SRP72: variants seen among roughly 807,000 people sequenced by gnomAD.
The protein encoded by SRP72 is signal recognition particle subunit SRP72.
SRP72 carries 49 observed loss-of-function variants against 96.3 expected under a neutral mutation model. That is an observed-to-expected ratio of 0.51 (90% CI 0.40 to 0.65). The LOEUF (loss-of-function observed/expected upper bound fraction) is 0.65. SRP72 is among the 30% of genes least tolerant of loss of function. The probability of loss-of-function intolerance (pLI) is 0.00; values close to 1 mark genes in which losing one functional copy is unlikely to be tolerated. For synonymous variants in SRP72, 267 were observed against 275.2 expected (o/e 0.97, Z 0.30); for missense variants, 736 against 793.3 (o/e 0.93, Z 0.87).
Position 56,502,075 on chromosome 4 carries a change from A to G in SRP72, c.*214A>G. ...TCATAGCTTTGTACAGATTATGAGG[A>G]CTGAAAATAATTGGGCATTTACCCA... On this transcript the variant is annotated 3_prime_UTR_variant, in exon 19 of 19. Transcript: ENST00000642900. 1.9e-6 allele frequency: 1 copy of G among 533,628 alleles called. No individual in the cohort carries two copies. 33.1% of individuals were successfully genotyped at this position (533,628 alleles called of 1,614,324 possible). A position where few individuals can be genotyped will look rare whatever the true frequency, so the allele number is the denominator to read the frequency against.
chr4:56,481,720 CAT>C (rs890275109), intron 8 of SRP72, among the ~76,000 whole-genome samples: 3 of 150,204 alleles, frequency 2.0e-5, no homozygotes, highest in African/African-American at 7.3e-5. Context: ...AAGTTTTTCA[CAT>C]ATTGAAGGTT....
chr4:56,498,183 C>A (rs1721143144), intron 17 of SRP72, among the ~76,000 whole-genome samples: 1 of 151,628 alleles, frequency 6.6e-6, no homozygotes, highest in South Asian at 2.1e-4. Flanking sequence ...TTTTGTCATG[C>A]TGAGAAATGA....
chr4:56,485,029 T>A lies in SRP72; in HGVS notation c.1086+165T>A, dbSNP rs112862779. On this transcript the variant is annotated intron_variant, in intron 10 of 18. Transcript: ENST00000642900. Reference sequence around the variant, plus strand: ...TAGTTAACTCTTGGGTTACAGAGCTTTATATAAATTTCTTTGTGTTATATA... The same window carrying A: ...TAGTTAACTCTTGGGTTACAGAGCTATATATAAATTTCTTTGTGTTATATA... 1.8e-3 allele frequency among the ~76,000 whole-genome samples: 274 copies of A among 152,350 alleles called. 10 individuals carry two copies. In the South Asian group the frequency reaches 0.038, roughly 21 times the overall value.
rs1721046230 is a variant in SRP72 at position 56,495,479 on chromosome 4, A to G, written c.1678+85A>G. The G allele has an allele frequency of 7.4e-6, 6 of 815,360 alleles. No homozygotes were observed. The South Asian group carries it at 1.1e-4, about 15-fold the overall frequency. 50.5% of individuals were successfully genotyped at this position (815,360 alleles called of 1,614,324 possible). On this transcript the variant is annotated intron_variant, in intron 17 of 18. Coordinates refer to ENST00000642900, the MANE Select transcript of SRP72 (RefSeq NM_006947.4). ...TATATAGAAATATTTGGACATAAATATACTGCCCTCCCTTGTATCTTTGAA... is the reference window on the plus strand; with the variant it reads ...TATATAGAAATATTTGGACATAAATGTACTGCCCTCCCTTGTATCTTTGAA...
chr4:56,501,854 G>A lies in SRP72; in HGVS notation c.2009G>A (p.Gly670Asp). The change falls in exon 19 of 19, where the codon GGC becomes GAC. Residue 670 changes from glycine to aspartate, a missense_variant. This residue lies in a region of SRP72 where 388 missense variants were observed against 431.8 expected (regional missense o/e 0.90). Transcript: ENST00000642900. ...AAAAAGAAGAAAGGTGGAAAAGGTGGCTGGTGATGAGAATATTCTTGTTGC... is the reference window on the plus strand; with the variant it reads ...AAAAAGAAGAAAGGTGGAAAAGGTGACTGGTGATGAGAATATTCTTGTTGC... Reference protein sequence around the residue: ...QQKKKKGGKGGW With the variant: ...QQKKKKGGKGDW The A allele has an allele frequency of 6.2e-7, 1 of 1,614,070 alleles. No individual in the cohort carries two copies. The highest frequency in any genetic ancestry group is 8.5e-7 in the Non-Finnish European group (1 of 1,179,990).
At chr4:56,485,749 C>G (rs551435697) in intron 10 of SRP72, among the ~76,000 whole-genome samples, 1 of 151,906 alleles carries the variant, frequency 6.6e-6, no homozygotes, top group African/African-American at 2.4e-5. Flanking sequence ...TGCAGTGAGC[C>G]GAGATCACGC....
At chr4:56,469,958 T>C (rs1284705434) in intron 2 of SRP72, among the ~76,000 whole-genome samples, 185 bp downstream of exon 2, 1 of 150,044 alleles carries the variant, frequency 6.7e-6, no homozygotes, top group Admixed American at 6.8e-5. Context: ...TTCTGTTTTT[T>C]TCAGCCTTAG....
At chr4:56,493,390 T>C (rs1353513514) in intron 16 of SRP72, among the ~76,000 whole-genome samples, 1 of 152,220 alleles carries the variant, frequency 6.6e-6, no homozygotes, top group Admixed American at 6.5e-5. Context: ...TTTTAAGCTT[T>C]TAAGTTTCAG....
In SRP72 at chr4:56,467,757, G is replaced by C. The variant is rs1339805526; in HGVS notation, c.109+13G>C. ...ACCGTCAATAAGAGTAAGTGTCGGG[G>C]TGGGCACTGGGGCGGGCCCAGGCCG... On this transcript the variant is annotated intron_variant, in intron 1 of 18. Transcript: ENST00000642900. The C allele has an allele frequency of 6.7e-7, 1 of 1,491,536 alleles. No homozygotes were observed. The highest frequency in any genetic ancestry group is 2.7e-5 in the East Asian group (1 of 36,486). The allele number at this position is 1,491,536 out of a possible 1,614,324, so 92.4% of individuals were successfully genotyped here.
chr4:56,481,392 A>T (rs114105576), intron 8 of SRP72, among the ~76,000 whole-genome samples: 1 of 152,198 alleles, frequency 6.6e-6, no homozygotes, highest in Non-Finnish European at 1.5e-5. Flanking sequence ...TCAGGATGCA[A>T]TCAGTGTGAC....
intron 8 of SRP72, among the ~76,000 whole-genome samples, chr4:56,481,916 C>T (rs1720505700): frequency 6.6e-6 from 1 of 151,372 alleles, no homozygotes; most frequent in African/African-American, 2.4e-5. Flanking sequence ...GCGTGTGCCA[C>T]CACACCCAGC....
chr4:56,490,274 G>T (rs1720861311), intron 13 of SRP72, 59 bp from the exon 14 acceptor site: 1 of 1,323,490 alleles, frequency 7.6e-7, no homozygotes, highest in East Asian at 2.3e-5. Flanking sequence ...GAATATAACT[G>T]CATGCACTTG....
At chr4:56,490,532 T>C (rs752881020) in intron 14 of SRP72, 36 bp from the exon 15 acceptor site, 1 of 1,606,272 alleles carries the variant, frequency 6.2e-7, no homozygotes, top group Non-Finnish European at 8.5e-7. Context: ...TCCAGTTTTA[T>C]AAACAGTTCA....
chr4:56,489,618 C>G (rs1314115599), intron 13 of SRP72, 135 bp downstream of exon 13: 1 of 466,374 alleles, frequency 2.1e-6, no homozygotes, highest in Non-Finnish European at 3.8e-6. Flanking sequence ...TTATCAAATG[C>G]ATTTTTTTAG....
In SRP72 at chr4:56,502,303, A is replaced by G. The variant is rs7762; in HGVS notation, c.*442A>G. 0.084 allele frequency: 13,204 copies of G among 157,962 alleles called. 724 individuals carry two copies. Among genetic ancestry groups the G allele is most frequent in the East Asian group, 0.27 (1,477 of 5,434 alleles). 9.8% of individuals were successfully genotyped at this position (157,962 alleles called of 1,614,324 possible). A position where few individuals can be genotyped will look rare whatever the true frequency, so the allele number is the denominator to read the frequency against. ...AAAGTGGAATCTTCTGAGCATTCCT[A>G]AATATCTGCTTAGAAATATCATGTG... On this transcript the variant is annotated 3_prime_UTR_variant, in exon 19 of 19. Coordinates refer to ENST00000642900, the MANE Select transcript of SRP72 (RefSeq NM_006947.4).
chr4:56,485,261 C>G (rs542453810), intron 10 of SRP72, among the ~76,000 whole-genome samples: 1 of 152,096 alleles, frequency 6.6e-6, no homozygotes, highest in Admixed American at 6.6e-5. Flanking sequence ...CCCAAACCAG[C>G]TATTATATTG....
intron 6 of SRP72, 69 bp downstream of exon 6, chr4:56,476,771 T>G (rs1720239354): frequency 4.6e-6 from 7 of 1,520,888 alleles, no homozygotes; most frequent in Non-Finnish European, 6.3e-6. Context: ...GAGGCTTCAT[T>G]GTACTATTTA....
intron 5 of SRP72, chr4:56,475,563 A>G (rs865930630): frequency 0.093 from 11,379 of 122,900 alleles, 553 homozygotes; most frequent in East Asian, 0.35. Flanking sequence ...CGCTGTCTCA[A>G]AAAAAAAAAA....
At chr4:56,477,424 C>G (rs1365250608) in intron 6 of SRP72, among the ~76,000 whole-genome samples, 2 of 151,080 alleles carry the variant, frequency 1.3e-5, no homozygotes, top group African/African-American at 4.9e-5. Context: ...CTCACCACAG[C>G]CTCCTGAGTA....
Sources: allele counts gnomAD v4.1 joint callset (sites outside exome capture counted in the v4.1 genomes callset), GRCh38; gene constraint gnomAD v4.1.1; regional missense constraint gnomAD v4.1.1; transcripts MANE v1.5; gene names NCBI Gene and HGNC (gene_info 2026-07-23, HGNC 2026-07-21).